Variants in SCRN3 observed in about 807,000 individuals in gnomAD.
The protein encoded by SCRN3 is secernin 3.
A neutral mutation model predicts 43.1 loss-of-function variants in SCRN3; 39 were observed. That is an observed-to-expected ratio of 0.91 (90% CI 0.70 to 1.18). The LOEUF is 1.18. Among genes scored for constraint, SCRN3 ranks in the 50% most tolerant of loss-of-function variants. The pLI is 0.00. For missense variants in SCRN3, 484 were observed against 498.0 expected (o/e 0.97, Z 0.27); for synonymous variants, 147 against 163.1 (o/e 0.90, Z 0.75).
At position 174,428,196 on chromosome 2, in the gene SCRN3, A is replaced by G. The variant is rs117473896; in HGVS notation, c.*301A>G. The G allele has an allele frequency of 1.7e-4, 30 of 176,540 alleles. No homozygotes were observed. In the East Asian group the frequency reaches 4.2e-3, roughly 25 times the overall value. 10.9% of individuals were successfully genotyped at this position (176,540 alleles called of 1,614,324 possible). On this transcript the variant is annotated 3_prime_UTR_variant, in exon 8 of 8. Coordinates refer to ENST00000272732, the MANE Select transcript of SCRN3 (RefSeq NM_024583.5). ...TCACAATAACTAAGTATTCAATTAT[A>G]TATAAAGAGTGAAACATTAAAATGA...
At chr2:174,426,788 A>AAAAC (rs1491377585) in intron 7 of SCRN3, among the ~76,000 whole-genome samples, 1 of 151,958 alleles carries the variant, frequency 6.6e-6, no homozygotes, top group African/African-American at 2.4e-5. Flanking sequence ...AAAACAAAAC[A>AAAAC]AAACAAAAAC....
chr2:174,410,640 A>C (rs900632117), intron 5 of SCRN3: 5 of 152,202 alleles, frequency 3.3e-5, no homozygotes, highest in African/African-American at 1.2e-4. Flanking sequence ...CTGAGAATTC[A>C]TTGCAACCTG....
intron 6 of SCRN3, among the ~76,000 whole-genome samples, chr2:174,423,297 T>C (rs544314061): frequency 6.6e-6 from 1 of 152,316 alleles, no homozygotes; most frequent in East Asian, 1.9e-4. Context: ...AGATTTAACA[T>C]AGTCAAGAAA....
Position 174,419,252 on chromosome 2 carries a change from G to A in SCRN3, c.755-3633G>A, listed in dbSNP as rs546251984. 2.6e-5 allele frequency among the ~76,000 whole-genome samples: 4 copies of A among 152,270 alleles called. No homozygotes were observed. In the East Asian group the frequency reaches 7.7e-4, roughly 29 times the overall value. On this transcript the variant is annotated intron_variant, in intron 5 of 7. Transcript: ENST00000272732. ...ATTATAGGGTTTTGAGAGAGAGGAAGGAGATACCTGTGTTTAATCAACCAT... is the reference window on the plus strand; with the variant it reads ...ATTATAGGGTTTTGAGAGAGAGGAAAGAGATACCTGTGTTTAATCAACCAT...
At chr2:174,420,024 G>A (rs1686245650) in intron 5 of SCRN3, among the ~76,000 whole-genome samples, 1 of 152,084 alleles carries the variant, frequency 6.6e-6, no homozygotes, top group Non-Finnish European at 1.5e-5. Context: ...GCTGAGAGAA[G>A]ACTCTACACA....
In SCRN3 at chr2:174,427,318, A is replaced by G. The variant is rs143978942; in HGVS notation, c.1093-395A>G. Among the ~76,000 whole-genome samples the G allele has an allele frequency of 9.4e-3, 1,436 of 152,216 alleles. 84 individuals carry two copies. The highest frequency in any genetic ancestry group is 0.086 in the Admixed American group (1,316 of 15,272). On this transcript the variant is annotated intron_variant, in intron 7 of 7. Coordinates refer to ENST00000272732, the MANE Select transcript of SCRN3 (RefSeq NM_024583.5). ...ATTTTTTCCTGAACATTATTGTTCT[A>G]TTGTATTAATCTGATAATATTGGTT...
At position 174,402,779 on chromosome 2, in the gene SCRN3, TG is replaced by T. The variant is rs377265334; in HGVS notation, c.542-1323del. 2.6e-4 allele frequency among the ~76,000 whole-genome samples: 40 copies of T among 152,322 alleles called. No individual in the cohort carries two copies. In the East Asian group the frequency reaches 7.7e-3, roughly 29 times the overall value. On this transcript the variant is annotated intron_variant, in intron 4 of 7. Transcript: ENST00000272732. ...CATGACTTGGATCTGGTTTTTGTAA[TG>T]AGGGTATCCCAAGTATGACCTCATT...
chr2:174,411,340 T>C (rs191735858), intron 5 of SCRN3, among the ~76,000 whole-genome samples: 2 of 144,642 alleles, frequency 1.4e-5, no homozygotes, highest in African/African-American at 2.4e-5. Flanking sequence ...TCTGCTATAA[T>C]GAATCTACAT....
intron 5 of SCRN3, among the ~76,000 whole-genome samples, chr2:174,422,501 G>T (rs1179927515): frequency 6.6e-6 from 1 of 151,006 alleles, no homozygotes; most frequent in African/African-American, 2.4e-5. Flanking sequence ...TTGAACCCAG[G>T]AGACAGAGAT....
In SCRN3 at chr2:174,404,252, G is replaced by C. The variant is rs763266129; in HGVS notation, c.691G>C (p.Ala231Pro). Residue 231 changes from alanine to proline, a missense_variant, in exon 5 of 8, where the codon GCC becomes CCC. By Grantham distance (27) the Ala-to-Pro change is conservative. Transcript: ENST00000272732. ...TGCAGCATATTCCTATCTTGACACA[G>C]CCAAGATGATGACTTCATCAGGCAG... is the stretch of plus-strand genomic sequence containing the variant. ...FAAAYSYLDTAKMMTSSGRYC... is the reference protein window; with the variant it reads ...FAAAYSYLDTPKMMTSSGRYC... 6.2e-7 allele frequency: 1 copy of C among 1,613,794 alleles called. No homozygotes were observed. The highest frequency in any genetic ancestry group is 1.7e-5 in the Admixed American group (1 of 59,982).
intron 6 of SCRN3, among the ~76,000 whole-genome samples, chr2:174,423,259 G>A (rs1018424761): frequency 1.1e-4 from 17 of 152,118 alleles, no homozygotes; most frequent in South Asian, 2.1e-4. Context: ...TCTTGTATGC[G>A]TTATCCCTAC....
At position 174,427,710 on chromosome 2, in the gene SCRN3, T is replaced by A; in HGVS notation, c.1093-3T>A. 1 of 1,585,984 alleles carries A rather than the reference T, an allele frequency of 6.3e-7. No homozygotes were observed. Among genetic ancestry groups the A allele is most frequent in the Non-Finnish European group, 8.6e-7 (1 of 1,163,642 alleles). On this transcript the variant is annotated splice_region_variant and splice_polypyrimidine_tract_variant and intron_variant, in intron 7 of 7. Transcript: ENST00000272732. Reference sequence around the variant, plus strand: ...GTTTATCTTTATATTTTTAATTGTTTAGGAAAAAGCCAAAATAATGTTGGA... The same window carrying A: ...GTTTATCTTTATATTTTTAATTGTTAAGGAAAAAGCCAAAATAATGTTGGA...
chr2:174,398,513 A>G (rs2105556247), intron 2 of SCRN3, 71 bp downstream of exon 2: 1 of 1,314,662 alleles, frequency 7.6e-7, no homozygotes, highest in African/African-American at 1.6e-5. Flanking sequence ...TATACATAGC[A>G]ATTTGGAAGA....
At chr2:174,405,206 A>G in intron 5 of SCRN3, among the ~76,000 whole-genome samples, 1 of 44,244 alleles carries the variant, frequency 2.3e-5, no homozygotes, top group African/African-American at 8.0e-5. Flanking sequence ...TCTGATGGCC[A>G]GTGATGATGA....
chr2:174,401,530 A>G (rs1042245135), intron 4 of SCRN3, among the ~76,000 whole-genome samples: 9 of 152,158 alleles, frequency 5.9e-5, no homozygotes, highest in African/African-American at 1.9e-4. Flanking sequence ...CCAAAATCTT[A>G]TGTGTAAGTG....
At position 174,424,564 on chromosome 2, in the gene SCRN3, A is replaced by G. The variant is rs773539705; in HGVS notation, c.1007A>G (p.Lys336Arg). The stretch of plus-strand genomic sequence containing the variant: ...ACATTTGAACTTGAAGATCTAGTTA[A>G]AAAGAAATCACATTTTAAGCCTGAC... ...SPTFELEDLV[K>R]KKSHFKPDRR... The change falls in exon 7 of 8, where the codon AAA becomes AGA. Residue 336 changes from lysine (K) to arginine (R), a missense_variant. Coordinates refer to ENST00000272732, the MANE Select transcript of SCRN3 (RefSeq NM_024583.5). 1 of 1,613,670 alleles carries G rather than the reference A, an allele frequency of 6.2e-7. No individual in the cohort carries two copies. The highest frequency in any genetic ancestry group is 1.7e-5 in the Admixed American group (1 of 60,024).
At chr2:174,398,124 T>C (rs1022515379) in intron 1 of SCRN3, 151 bp from the exon 2 acceptor site, 13 of 467,116 alleles carry the variant, frequency 2.8e-5, no homozygotes, top group Non-Finnish European at 1.1e-5. Context: ...CTAGACCTTG[T>C]CTCCAAAAAA....
chr2:174,425,846 G>A (rs1686464099), intron 7 of SCRN3, among the ~76,000 whole-genome samples: 1 of 152,080 alleles, frequency 6.6e-6, no homozygotes, highest in Non-Finnish European at 1.5e-5. Context: ...TTGTGTGTTA[G>A]GGAGAGTCAA....
rs1174766730 is a variant in SCRN3, at chr2:174,427,946, C to T, written c.*51C>T. 8.1e-7 allele frequency: 1 copy of T among 1,228,266 alleles called. No individual in the cohort carries two copies. The highest frequency in any genetic ancestry group is 1.2e-6 in the Non-Finnish European group (1 of 861,606). 76.1% of individuals were successfully genotyped at this position (1,228,266 alleles called of 1,614,324 possible). On this transcript the variant is annotated 3_prime_UTR_variant, in exon 8 of 8. Coordinates refer to ENST00000272732, the MANE Select transcript of SCRN3 (RefSeq NM_024583.5). ...TTCTTAGTGATCAGTGGTCAGTAAT[C>T]TTCAAAGTCAGAATCTATCACCTTG...
Sources: allele counts gnomAD v4.1 joint callset (sites outside exome capture counted in the v4.1 genomes callset), GRCh38; gene constraint gnomAD v4.1.1; transcripts MANE v1.5; gene names NCBI Gene and HGNC (gene_info 2026-07-23, HGNC 2026-07-21).